Variants in FLNC observed in about 807,000 individuals in gnomAD.
FLNC encodes filamin C.
A neutral mutation model predicts 254.3 loss-of-function variants in FLNC; 91 were observed. The observed-to-expected ratio is 0.36, with a 90% CI of 0.30 to 0.43. The LOEUF is 0.43. Among genes scored for constraint, FLNC ranks in the 20% least tolerant of loss-of-function variants. FLNC has a pLI of 1.00. For missense variants in FLNC, 2,853 were observed against 3,802.6 expected (o/e 0.75, Z 6.57); for synonymous variants, 1,430 against 1,577.2 (o/e 0.91, Z 2.21).
Position 128,830,538 on chromosome 7 carries a change from A to AG in FLNC, c.-99dup. 8.1e-6 allele frequency: 8 copies of AG among 988,836 alleles called. No individual in the cohort carries two copies. Among genetic ancestry groups the AG allele is most frequent in the Non-Finnish European group, 1.2e-5 (8 of 644,314 alleles). 61.3% of individuals were successfully genotyped at this position (988,836 alleles called of 1,614,324 possible). On this transcript the variant is annotated 5_prime_UTR_variant, in exon 1 of 48. Transcript: ENST00000325888. Reference sequence around the variant, plus strand: ...GAGAAGTTGGAGAGGAGAGCAGCGCAGCGCAGCGAGTCCCGTGGTCGCGCC... The same window carrying AG: ...GAGAAGTTGGAGAGGAGAGCAGCGCAGGCGCAGCGAGTCCCGTGGTCGCGCC...
chr7:128,858,684 C>T lies in FLNC; in HGVS notation c.*161C>T. The stretch of plus-strand genomic sequence containing the variant: ...AAGTGAAGGCCCAGCCTCCCCACCC[C>T]ACCGCGCCCCAGGGGTTGGAGGACC... On this transcript the variant is annotated 3_prime_UTR_variant, in exon 48 of 48. Transcript: ENST00000325888. This position sits in a 1 kb window ranked among gnomAD's most constrained non-coding sequence, Gnocchi z 6.7. 1 of 650,314 alleles carries T rather than the reference C, an allele frequency of 1.5e-6. No individual in the cohort carries two copies. The highest frequency in any genetic ancestry group is 2.7e-5 in the East Asian group (1 of 36,584). 40.3% of individuals were successfully genotyped at this position (650,314 alleles called of 1,614,324 possible).
chr7:128,835,679 C>A lies in FLNC; in HGVS notation c.601+105C>A. The A allele has an allele frequency of 7.5e-7, 1 of 1,327,862 alleles. No individual in the cohort carries two copies. Among genetic ancestry groups the A allele is most frequent in the Non-Finnish European group, 1.1e-6 (1 of 945,724 alleles). The allele number at this position is 1,327,862 out of a possible 1,614,324, so 82.3% of individuals were successfully genotyped here. Reference sequence around the variant, plus strand: ...GGTTGTCAGAATGCACACCCTGGGGCCTGGGGGCCAGGATCCCCTGCAGGG... The same window carrying A: ...GGTTGTCAGAATGCACACCCTGGGGACTGGGGGCCAGGATCCCCTGCAGGG... On this transcript the variant is annotated intron_variant, in intron 2 of 47. Transcript: ENST00000325888. This position sits in a 1 kb window ranked among gnomAD's most constrained non-coding sequence, Gnocchi z 5.3.
chr7:128,855,754 G>A (rs1191168838), intron 43 of FLNC, among the ~76,000 whole-genome samples: 1 of 152,228 alleles, frequency 6.6e-6, no homozygotes, highest in African/African-American at 2.4e-5. Flanking sequence ...TCAGGCCGCT[G>A]GGGGCCTGGC....
chr7:128,830,492 G>A lies in FLNC; in HGVS notation c.-146G>A. ...TAGGAGGCCCGCCGAGCCTCGCCGA[G>A]CCCCGCCAGCCCCGGCGCGAGAGAA... On this transcript the variant is annotated 5_prime_UTR_variant, in exon 1 of 48. Coordinates refer to ENST00000325888, the MANE Select transcript of FLNC (RefSeq NM_001458.5). 5.7e-6 allele frequency: 4 copies of A among 696,316 alleles called. No individual in the cohort carries two copies. In the South Asian group the frequency reaches 7.5e-5, roughly 13 times the overall value. The allele number at this position is 696,316 out of a possible 1,614,324, so 43.1% of individuals were successfully genotyped here.
intron 31 of FLNC, 31 bp from the exon 32 acceptor site, chr7:128,850,353 G>A: frequency 6.4e-7 from 1 of 1,569,948 alleles, no homozygotes; most frequent in South Asian, 1.1e-5. Context: ...GCCTTCCCCA[G>A]TCACTGACTG....
intron 1 of FLNC, among the ~76,000 whole-genome samples, chr7:128,832,073 T>A (rs1318743191): frequency 1.3e-5 from 2 of 152,056 alleles, no homozygotes; most frequent in African/African-American, 4.8e-5. Flanking sequence ...TTCCCTGAGA[T>A]TTCTCCAGAT....
chr7:128,839,205 T>C (rs1322106037), intron 8 of FLNC, among the ~76,000 whole-genome samples: 2 of 152,232 alleles, frequency 1.3e-5, no homozygotes, highest in African/African-American at 4.8e-5. Context: ...TGGCCTCACC[T>C]GTGCTGTGTG....
chr7:128,853,707 C>T lies in FLNC; in HGVS notation c.6362-8C>T. On this transcript the variant is annotated splice_polypyrimidine_tract_variant and splice_region_variant and intron_variant, in intron 38 of 47. Coordinates refer to ENST00000325888, the MANE Select transcript of FLNC (RefSeq NM_001458.5). ...AGGTTCCTGACCCACCCTTTGTCCC[C>T]ACTTCAGGAAGCCCCTTCACTGTGA... The T allele has an allele frequency of 6.2e-7, 1 of 1,613,946 alleles. No homozygotes were observed. Among genetic ancestry groups the T allele is most frequent in the Non-Finnish European group, 8.5e-7 (1 of 1,180,052 alleles).
chr7:128,853,399 T>C, intron 37 of FLNC, 70 bp from the exon 38 acceptor site: 1 of 1,592,980 alleles, frequency 6.3e-7, no homozygotes, highest in Non-Finnish European at 8.6e-7. Flanking sequence ...GCCTGCAGTC[T>C]GGGGAGAGGA....
chr7:128,855,306 A>C lies in FLNC; in HGVS notation c.7243A>C (p.Ser2415Arg). ...TGACGCTCGCCGTCTCACTGTCACC[A>C]GCCTCCAGGTTTGTGCCCAGGGTGG... ...SDDARRLTVT[S>R]LQETGLKVNQ... Residue 2415 changes from serine to arginine, a missense_variant, in exon 43 of 48, where the codon AGC becomes CGC. Around this residue, in one of 10 missense-constraint regions of FLNC, gnomAD observed 551 missense variants for 835.0 expected, o/e 0.66. Transcript: ENST00000325888. 6.2e-7 allele frequency: 1 copy of C among 1,609,456 alleles called. No individual in the cohort carries two copies. Among genetic ancestry groups the C allele is most frequent in the Non-Finnish European group, 8.5e-7 (1 of 1,176,250 alleles).
At chr7:128,850,112 T>G (rs1332406129) in intron 31 of FLNC, 38 bp downstream of exon 31, 2 of 1,412,876 alleles carry the variant, frequency 1.4e-6, no homozygotes, top group East Asian at 4.9e-5. Flanking sequence ...CTCCTCCTCC[T>G]CCCCTTCCTT....
chr7:128,842,774 C>T lies in FLNC; in HGVS notation c.2390-20C>T. Reference sequence around the variant, plus strand: ...GTCGGGGGCTGAGCCCAACTCACAGCAGTGCCCGCTTCTCTGCAGGCGACG... The same window carrying T: ...GTCGGGGGCTGAGCCCAACTCACAGTAGTGCCCGCTTCTCTGCAGGCGACG... On this transcript the variant is annotated intron_variant, in intron 15 of 47. Coordinates refer to ENST00000325888, the MANE Select transcript of FLNC (RefSeq NM_001458.5). The surrounding 1 kb of genome is among the most constrained non-coding windows in gnomAD (Gnocchi z 5.4). 6.2e-7 allele frequency: 1 copy of T among 1,612,612 alleles called. No individual in the cohort carries two copies. The highest frequency in any genetic ancestry group is 8.5e-7 in the Non-Finnish European group (1 of 1,179,668).
rs376516180 is a variant in FLNC, at chr7:128,844,188, G to T, written c.3114G>T (p.Val1038=). Residue 1038 remains valine, a synonymous_variant, in exon 20 of 48, where the codon GTG becomes GTT. Coordinates refer to ENST00000325888, the MANE Select transcript of FLNC (RefSeq NM_001458.5). ...YMPPEEGPYK[V]DITYDGHPVP... ...CCCCGGAGGAGGGGCCCTACAAGGT[G>T]GATATCACCTACGATGGTCACCCGG... The T allele has an allele frequency of 2.5e-6, 4 of 1,613,600 alleles. No individual in the cohort carries two copies. Among genetic ancestry groups the T allele is most frequent in the Non-Finnish European group, 3.4e-6 (4 of 1,179,898 alleles).
At position 128,844,107 on chromosome 7, in the gene FLNC, C is replaced by A. The variant is rs757092972; in HGVS notation, c.3033C>A (p.Ile1011=). 2 of 1,613,870 alleles carry A rather than the reference C, an allele frequency of 1.2e-6. No homozygotes were observed. The highest frequency in any genetic ancestry group is 4.5e-5 in the East Asian group (2 of 44,898). ...TGACTTCGCCCTCTCGCCGGCCCAT[C>A]CCCTGCAAGCTGGAGCCAGGCGGTG... ...VRMTSPSRRP[I]PCKLEPGGGA... Residue 1011 remains isoleucine, a synonymous_variant, in exon 20 of 48, where the codon ATC becomes ATA. Transcript: ENST00000325888.
rs2128935990 is a variant in FLNC, at chr7:128,843,467, A to C, written c.2701A>C (p.Lys901Gln). The C allele has an allele frequency of 6.2e-7, 1 of 1,614,124 alleles. No homozygotes were observed. Among genetic ancestry groups the C allele is most frequent in the African/African-American group, 1.3e-5 (1 of 75,058 alleles). ...GCTGACCAAGGGAGCCGGCAAGGCC[A>C]AGCTGGATGTGCAGTTTGCAGGGAC... The part of the protein sequence containing the change: ...TVLTKGAGKA[K>Q]LDVQFAGTAK... Residue 901 changes from lysine (K) to glutamine (Q), a missense_variant, in exon 18 of 48, where the codon AAG becomes CAG. Lys to Gln is a moderately conservative substitution (Grantham distance 53, BLOSUM62 1). Coordinates refer to ENST00000325888, the MANE Select transcript of FLNC (RefSeq NM_001458.5).
Position 128,856,590 on chromosome 7 carries a change from G to A in FLNC, c.7324G>A (p.Ala2442Thr), listed in dbSNP as rs1160639957. 1.2e-6 allele frequency: 2 copies of A among 1,612,686 alleles called. No homozygotes were observed. Among genetic ancestry groups the A allele is most frequent in the South Asian group, 2.2e-5 (2 of 91,092 alleles). Residue 2442 changes from alanine (A) to threonine (T), a missense_variant, in exon 44 of 48, where the codon GCC (alanine) becomes ACC (threonine). This residue lies in a region of FLNC where 47 missense variants were observed against 40.3 expected (regional missense o/e 1.17). Coordinates refer to ENST00000325888, the MANE Select transcript of FLNC (RefSeq NM_001458.5). The surrounding 1 kb of genome is among the most constrained non-coding windows in gnomAD (Gnocchi z 5.9). ...GAACGGTGCCCGGGGCGTGATTGATGCCCGGGTGCACACACCCTCGGGGGC... is the reference window on the plus strand; with the variant it reads ...GAACGGTGCCCGGGGCGTGATTGATACCCGGGTGCACACACCCTCGGGGGC... The part of the protein sequence containing the change: ...QLNGARGVID[A>T]RVHTPSGAVE...
rs778645211 is a variant in FLNC at position 128,837,626 on chromosome 7, C to T, written c.851-11C>T. The T allele has an allele frequency of 6.2e-7, 1 of 1,612,768 alleles. No individual in the cohort carries two copies. The highest frequency in any genetic ancestry group is 1.1e-5 in the South Asian group (1 of 91,086). On this transcript the variant is annotated splice_polypyrimidine_tract_variant and intron_variant, in intron 4 of 47. Transcript: ENST00000325888. ...TCCCTGAGTAACCTGGGCTCTGCTC[C>T]TGCCCCGTAGGCATCGAGCCACAGG... is the stretch of plus-strand genomic sequence containing the variant.
Position 128,846,090 on chromosome 7 carries a change from G to T in FLNC, c.3891G>T (p.Gly1297=). Residue 1297 remains glycine (G), a synonymous_variant, in exon 22 of 48, where the codon GGG becomes GGT. Coordinates refer to ENST00000325888, the MANE Select transcript of FLNC (RefSeq NM_001458.5). The part of the protein sequence containing the change: ...HVTARVLNPS[G]AKTDTYVTDN... The stretch of plus-strand genomic sequence containing the variant: ...CGGCTCGTGTGCTCAACCCCTCGGG[G>T]GCCAAGACAGACACCTATGTGACAG... The T allele has an allele frequency of 6.2e-7, 1 of 1,614,008 alleles. No homozygotes were observed. The highest frequency in any genetic ancestry group is 8.5e-7 in the Non-Finnish European group (1 of 1,180,006).
At position 128,846,309 on chromosome 7, in the gene FLNC, C is replaced by T. The variant is rs34373805; in HGVS notation, c.3973C>T (p.Leu1325=). The part of the protein sequence containing the change: ...QYTAYEEGVH[L]VEVLYDEVAV... ...CTGTGGCTGGCTTCCAGGCGTGCAT[C>T]TGGTGGAGGTCCTGTATGATGAGGT... Residue 1325 remains leucine (L), a synonymous_variant, in exon 23 of 48, where the codon CTG becomes TTG. Coordinates refer to ENST00000325888, the MANE Select transcript of FLNC (RefSeq NM_001458.5). 0.19 allele frequency: 307,407 copies of T among 1,613,268 alleles called. 36,238 individuals are homozygous for T. Among genetic ancestry groups the T allele is most frequent in the African/African-American group, 0.55 (41,037 of 74,912 alleles).
Sources: allele counts gnomAD v4.1 joint callset (sites outside exome capture counted in the v4.1 genomes callset), GRCh38; gene constraint gnomAD v4.1.1; regional missense constraint gnomAD v4.1.1; non-coding constraint Gnocchi (gnomAD v3.1); transcripts MANE v1.5; gene names NCBI Gene and HGNC (gene_info 2026-07-23, HGNC 2026-07-21).